Variants in PPP2R3A observed in about 807,000 individuals in gnomAD.
The protein encoded by PPP2R3A is protein phosphatase 2 regulatory subunit B''alpha.
A neutral mutation model predicts 106.9 loss-of-function variants in PPP2R3A; 80 were observed. The ratio of observed to expected loss-of-function variants is 0.75; its 90% CI spans 0.62 to 0.90. The LOEUF (loss-of-function observed/expected upper bound fraction) is 0.90, where lower values mean the gene tolerates loss of function less well. Among genes scored for constraint, PPP2R3A ranks in the 40% least tolerant of loss-of-function variants. The probability of loss-of-function intolerance (pLI) is 0.00; values close to 1 mark genes in which losing one functional copy is unlikely to be tolerated. For synonymous variants in PPP2R3A, 483 were observed against 468.3 expected, an observed-to-expected ratio of 1.03 and a Z score of -0.41; for missense variants, 1,386 against 1,350.4, an observed-to-expected ratio of 1.03 and a Z score of -0.41.
chr3:136,127,550 AACT>A (rs1210075508), intron 13 of PPP2R3A, among the ~76,000 whole-genome samples: 3 of 152,196 alleles, frequency 2.0e-5, no homozygotes, highest in Admixed American at 2.0e-4. Context: ...GTGTACCTGA[AACT>A]GATGGGGAGA....
intron 4 of PPP2R3A, among the ~76,000 whole-genome samples, chr3:136,041,250 G>GGTTTTTTTTTTTTTT (rs1559884277): frequency 1.8e-5 from 1 of 56,586 alleles, no homozygotes; most frequent in Non-Finnish European, 3.7e-5. Context: ...TTTTTTTTTT[G>GGTTTTTTTTTTTTTT]TTTTTTTTTT....
At chr3:135,987,327 G>A (rs898495606) in intron 1 of PPP2R3A, among the ~76,000 whole-genome samples, 53 of 152,128 alleles carry the variant, frequency 3.5e-4, no homozygotes. Flanking sequence ...CTGATCCCAA[G>A]TTCTCCTAGG....
chr3:136,126,915 TG>T (rs1938202822), intron 13 of PPP2R3A, among the ~76,000 whole-genome samples: 1 of 152,072 alleles, frequency 6.6e-6, no homozygotes, highest in Non-Finnish European at 1.5e-5. Context: ...GACCTGCAGC[TG>T]AGGGACCTGA....
chr3:136,112,238 A>AAAT (rs1394028613), intron 13 of PPP2R3A, among the ~76,000 whole-genome samples: 2 of 152,172 alleles, frequency 1.3e-5, no homozygotes, highest in African/African-American at 4.8e-5. Flanking sequence ...AGAAGAAGAT[A>AAAT]AATATGCCCA....
intron 3 of PPP2R3A, among the ~76,000 whole-genome samples, chr3:136,032,416 C>A (rs973808261): frequency 2.0e-5 from 3 of 151,616 alleles, no homozygotes; most frequent in African/African-American, 7.3e-5. Flanking sequence ...TTTATCAGTT[C>A]CAGGAGTTTT....
rs151302165 is a variant in PPP2R3A at position 135,993,421 on chromosome 3, A to G, written c.-440-7638A>G. Among the ~76,000 whole-genome samples the G allele has an allele frequency of 1.2e-3, 177 of 152,340 alleles. 1 individual carries two copies. The highest frequency in any genetic ancestry group is 4.0e-3 in the African/African-American group (168 of 41,592). ...CAAGTATCTGAAAGGATGTAGAGCT[A>G]CTAGAGCTCTCAAGTGCTGCTAAGG... On this transcript the variant is annotated intron_variant, in intron 1 of 13. Coordinates refer to ENST00000264977, the MANE Select transcript of PPP2R3A (RefSeq NM_002718.5).
chr3:135,966,009 A>ATT, intron 1 of PPP2R3A, among the ~76,000 whole-genome samples, 160 bp downstream of exon 1: 1 of 151,872 alleles, frequency 6.6e-6, no homozygotes, highest in Admixed American at 6.5e-5. Flanking sequence ...CACGGAGCTG[A>ATT]TTGGGCTGTG....
At chr3:136,071,900 G>A (rs963715166) in intron 6 of PPP2R3A, among the ~76,000 whole-genome samples, 3 of 152,080 alleles carry the variant, frequency 2.0e-5, no homozygotes, top group Non-Finnish European at 4.4e-5. Flanking sequence ...TCTTCCTACA[G>A]ATTTCCACAT....
intron 13 of PPP2R3A, among the ~76,000 whole-genome samples, chr3:136,138,993 A>G (rs1443372621): frequency 6.6e-6 from 1 of 151,980 alleles, no homozygotes; most frequent in African/African-American, 2.4e-5. Context: ...GATTACAGGC[A>G]TGAGTCACCA....
chr3:136,097,698 A>G (rs1937247936), intron 10 of PPP2R3A, among the ~76,000 whole-genome samples: 1 of 152,126 alleles, frequency 6.6e-6, no homozygotes, highest in African/African-American at 2.4e-5. Context: ...GATTTACTTT[A>G]TTCCCTTTTG....
At chr3:136,006,929 T>C (rs531422791) in intron 2 of PPP2R3A, among the ~76,000 whole-genome samples, 87 of 152,352 alleles carry the variant, frequency 5.7e-4, no homozygotes, top group African/African-American at 2.0e-3. Context: ...TATATTATTA[T>C]GAATTCCAAG....
In PPP2R3A at chr3:136,002,254, A is replaced by C. The variant is rs1421464413; in HGVS notation, c.756A>C (p.Gln252His). ...DLKKCTDIIKQCIKKKSGSSI... is the reference protein window; with the variant it reads ...DLKKCTDIIKHCIKKKSGSSI... ...AAAAATGCACAGACATCATAAAACA[A>C]TGCATAAAGAAAAAATCAGGGAGTA... is the stretch of plus-strand genomic sequence containing the variant. Residue 252 changes from glutamine to histidine, a missense_variant, in exon 2 of 14, where the codon CAA (glutamine) becomes CAC (histidine). Transcript: ENST00000264977. 6.2e-7 allele frequency: 1 copy of C among 1,613,926 alleles called. No homozygotes were observed. Among genetic ancestry groups the C allele is most frequent in the Non-Finnish European group, 8.5e-7 (1 of 1,179,936 alleles).
At chr3:136,058,790 A>G (rs1046144306) in intron 5 of PPP2R3A, among the ~76,000 whole-genome samples, 2 of 152,220 alleles carry the variant, frequency 1.3e-5, no homozygotes, top group African/African-American at 4.8e-5. Flanking sequence ...TACCAGTACA[A>G]AAACAGATAC....
intron 1 of PPP2R3A, among the ~76,000 whole-genome samples, chr3:135,974,425 G>A (rs942259874): frequency 1.3e-5 from 2 of 152,114 alleles, no homozygotes; most frequent in African/African-American, 2.4e-5. Flanking sequence ...CTCAGCAGCC[G>A]GAGGAATCTT....
Position 136,003,002 on chromosome 3 carries a change from A to T in PPP2R3A, c.1504A>T (p.Asn502Tyr). ...FEEGDQRDFT[N>Y]SSSQEEIDKL... ...AGAGGGAGACCAGAGAGATTTTACA[A>T]ATTCCAGTAGCCAGGAAGAGATAGA... The change falls in exon 2 of 14, where the codon AAT (asparagine) becomes TAT (tyrosine). Residue 502 changes from asparagine to tyrosine, a missense_variant. By Grantham distance (143) the Asn-to-Tyr change is moderately radical (BLOSUM62 -2). Coordinates refer to ENST00000264977, the MANE Select transcript of PPP2R3A (RefSeq NM_002718.5). The T allele has an allele frequency of 6.2e-7, 1 of 1,613,748 alleles. No homozygotes were observed. Among genetic ancestry groups the T allele is most frequent in the Non-Finnish European group, 8.5e-7 (1 of 1,179,834 alleles).
intron 10 of PPP2R3A, among the ~76,000 whole-genome samples, chr3:136,092,667 A>G (rs1937121281): frequency 6.6e-6 from 1 of 152,204 alleles, no homozygotes; most frequent in South Asian, 2.1e-4. Context: ...TCGTATCATG[A>G]TGGACATAAA....
rs747811648 is a variant in PPP2R3A, at chr3:136,138,695, A to ATTTTTTTTTTTTTTTTTTTTTT, written c.3330-6334_3330-6313dup. Among the ~76,000 whole-genome samples the ATTTTTTTTTTTTTTTTTTTTTT allele has an allele frequency of 2.2e-4, 11 of 50,602 alleles. 1 individual carries two copies. The highest frequency in any genetic ancestry group is 2.8e-4 in the Non-Finnish European group (9 of 31,698). 33.2% of individuals were successfully genotyped at this position (50,602 alleles called of 152,430 possible). Reference sequence around the variant, plus strand: ...AGACTCCAAACTAGAGAAATATTGAATTTTTTTTTTTTTTTTTTTTTTTTT... The same window carrying ATTTTTTTTTTTTTTTTTTTTTT: ...AGACTCCAAACTAGAGAAATATTGAATTTTTTTTTTTTTTTTTTTTTTTTTTTTTTTTTTTTTTTTTTTTTTT... On this transcript the variant is annotated intron_variant, in intron 13 of 13. Coordinates refer to ENST00000264977, the MANE Select transcript of PPP2R3A (RefSeq NM_002718.5).
At chr3:136,057,339 A>G (rs548297051) in intron 5 of PPP2R3A, among the ~76,000 whole-genome samples, 3 of 152,340 alleles carry the variant, frequency 2.0e-5, no homozygotes, top group Non-Finnish European at 2.9e-5. Flanking sequence ...ATAAAAAAGA[A>G]TGAAATCCTG....
chr3:136,115,968 A>G (rs1417405524), intron 13 of PPP2R3A, among the ~76,000 whole-genome samples: 1 of 152,082 alleles, frequency 6.6e-6, no homozygotes, highest in Non-Finnish European at 1.5e-5. Context: ...GCTGAAATGA[A>G]GGAAAAAATG....
Sources: allele counts gnomAD v4.1 joint callset (sites outside exome capture counted in the v4.1 genomes callset), GRCh38; gene constraint gnomAD v4.1.1; transcripts MANE v1.5; gene names NCBI Gene and HGNC (gene_info 2026-07-23, HGNC 2026-07-21).